Variants in ZFYVE28 observed in about 807,000 individuals in gnomAD.
ZFYVE28 encodes lateral signaling target protein 2 homolog.
Under a neutral mutation model 82.1 loss-of-function variants are expected in ZFYVE28, and 40 were observed. That is an observed-to-expected ratio of 0.49 (90% CI 0.38 to 0.63). The LOEUF (loss-of-function observed/expected upper bound fraction) is 0.63, where lower values mean the gene tolerates loss of function less well. ZFYVE28 is among the 30% of genes least tolerant of loss of function. The pLI is 0.00. For missense variants in ZFYVE28, 1,321 were observed against 1,242.1 expected (o/e 1.06, Z -0.96); for synonymous variants, 612 against 546.1 (o/e 1.12, Z -1.68).
chr4:2,341,733 G>A lies in ZFYVE28; in HGVS notation c.181-118C>T, dbSNP rs145323447. ...GTTTTTTAGGATTATTAAAGTGATA[G>A]AGGAGGCTAGGCACGGTGGCTCATG... is the stretch of plus-strand genomic sequence containing the variant. On this transcript the variant is annotated intron_variant, in intron 2 of 12. Transcript: ENST00000290974. The surrounding 1 kb of genome is among the most constrained non-coding windows in gnomAD (Gnocchi z 4.5). 1,659 of 1,435,284 alleles carry A rather than the reference G, an allele frequency of 1.2e-3. 15 individuals are homozygous for A. The African/African-American group carries it at 0.021, about 18-fold the overall frequency. 88.9% of individuals were successfully genotyped at this position (1,435,284 alleles called of 1,614,324 possible). A position where few individuals can be genotyped will look rare whatever the true frequency, so the allele number is the denominator to read the frequency against.
chr4:2,278,236 T>C (rs1409838989), intron 8 of ZFYVE28, among the ~76,000 whole-genome samples: 1 of 151,512 alleles, frequency 6.6e-6, no homozygotes, highest in Non-Finnish European at 1.5e-5. Flanking sequence ...TTTTTTTTTT[T>C]TTGAGATGGT....
At chr4:2,393,205 ACCGCAT>A (rs1730022747) in intron 1 of ZFYVE28, among the ~76,000 whole-genome samples, 1 of 152,186 alleles carries the variant, frequency 6.6e-6, no homozygotes, top group Non-Finnish European at 1.5e-5. Context: ...CTGAAATCTC[ACCGCAT>A]CCGCTGCATA....
chr4:2,331,657 G>A (rs1195195478), intron 6 of ZFYVE28, among the ~76,000 whole-genome samples: 1 of 152,220 alleles, frequency 6.6e-6, no homozygotes, highest in Non-Finnish European at 1.5e-5. Context: ...GTCTTAGGGA[G>A]GGGACAGGCT....
In ZFYVE28 at chr4:2,418,313, C is replaced by G; in HGVS notation, c.11G>C (p.Arg4Thr). 6.5e-7 allele frequency: 1 copy of G among 1,531,354 alleles called. No homozygotes were observed. The highest frequency in any genetic ancestry group is 8.8e-7 in the Non-Finnish European group (1 of 1,138,018). 94.9% of individuals were successfully genotyped at this position (1,531,354 alleles called of 1,614,324 possible). A position where few individuals can be genotyped will look rare whatever the true frequency, so the allele number is the denominator to read the frequency against. Residue 4 changes from arginine (R) to threonine (T), a missense_variant, in exon 1 of 13, where the codon AGG becomes ACG. By Grantham distance (71) the Arg-to-Thr change is moderately conservative. Transcript: ENST00000290974. The surrounding 1 kb of genome is among the most constrained non-coding windows in gnomAD (Gnocchi z 4.6). The stretch of plus-strand genomic sequence containing the variant: ...GGGTTTGTAGAGCCACTTTCGGAAC[C>G]TGTTCATCATCGCCGCGCCGGCCCT... MMN[R>T]FRKWLYKPKR...
chr4:2,387,056 T>TCCGGGG (rs59609334), intron 1 of ZFYVE28, among the ~76,000 whole-genome samples: 151 of 152,040 alleles, frequency 9.9e-4, no homozygotes, highest in Admixed American at 2.4e-3. Flanking sequence ...TGCAGGAGAC[T>TCCGGGG]CCGGGGCCGG....
intron 7 of ZFYVE28, among the ~76,000 whole-genome samples, chr4:2,310,003 A>T (rs1380054843): frequency 1.3e-5 from 2 of 151,980 alleles, no homozygotes; most frequent in Non-Finnish European, 2.9e-5. Flanking sequence ...TTTGATTTCC[A>T]TATGTTAAGC....
intron 8 of ZFYVE28, among the ~76,000 whole-genome samples, chr4:2,275,329 G>A (rs1736318078): frequency 6.6e-6 from 1 of 152,202 alleles, no homozygotes; most frequent in Non-Finnish European, 1.5e-5. Flanking sequence ...CTCTAGGGGT[G>A]CACCCACTGG....
chr4:2,378,625 C>T (rs948470608), intron 1 of ZFYVE28, among the ~76,000 whole-genome samples: 4 of 152,224 alleles, frequency 2.6e-5, no homozygotes, highest in East Asian at 1.9e-4. Context: ...GGAAGCTGCC[C>T]GACTCCCGGC....
chr4:2,282,069 C>T (rs1712039467), intron 8 of ZFYVE28, among the ~76,000 whole-genome samples: 1 of 152,242 alleles, frequency 6.6e-6, no homozygotes, highest in South Asian at 2.1e-4. Flanking sequence ...CTGTGTCTCA[C>T]CACAGAGTCT....
At chr4:2,400,160 T>C (rs1239031139) in intron 1 of ZFYVE28, among the ~76,000 whole-genome samples, 6 of 152,180 alleles carry the variant, frequency 3.9e-5, no homozygotes, top group African/African-American at 1.4e-4. Flanking sequence ...GAGCCACAGG[T>C]CAGGAGGAAC....
intron 6 of ZFYVE28, among the ~76,000 whole-genome samples, chr4:2,322,887 G>C (rs1040488772): frequency 6.6e-6 from 1 of 152,160 alleles, no homozygotes; most frequent in African/African-American, 2.4e-5. Flanking sequence ...ACGTTTTCAA[G>C]GCTCACCATG....
intron 8 of ZFYVE28, among the ~76,000 whole-genome samples, chr4:2,299,459 A>C (rs1715151346): frequency 6.7e-6 from 1 of 150,044 alleles, no homozygotes; most frequent in African/African-American, 2.5e-5. Flanking sequence ...CCAATTCTAA[A>C]GAAATAATCC....
chr4:2,270,919 G>A (rs533471250), intron 12 of ZFYVE28, 63 bp from the exon 13 acceptor site: 49 of 1,557,266 alleles, frequency 3.1e-5, no homozygotes, highest in African/African-American at 9.5e-5. Flanking sequence ...CTGGCTCCTC[G>A]CCCTCCCACA....
chr4:2,415,880 C>G (rs1732985532), intron 1 of ZFYVE28, among the ~76,000 whole-genome samples: 1 of 152,222 alleles, frequency 6.6e-6, no homozygotes, highest in Admixed American at 6.5e-5. Context: ...AGAGACAGCC[C>G]AAGTTCAGAC....
intron 1 of ZFYVE28, among the ~76,000 whole-genome samples, chr4:2,365,364 C>T (rs748107437): frequency 2.0e-4 from 29 of 146,462 alleles, no homozygotes; most frequent in Admixed American, 4.2e-4. Flanking sequence ...TCACAAAGGG[C>T]GTGTCCCCCC....
intron 6 of ZFYVE28, among the ~76,000 whole-genome samples, chr4:2,322,351 C>T (rs1158689257): frequency 3.3e-5 from 5 of 152,214 alleles, no homozygotes; most frequent in Non-Finnish European, 5.9e-5. Flanking sequence ...CCAATGCAGC[C>T]GCTGCCCATG....
chr4:2,287,889 G>A lies in ZFYVE28; in HGVS notation c.2052-13673C>T, dbSNP rs374382404. Among the ~76,000 whole-genome samples, 7 of 152,316 alleles carry A rather than the reference G, an allele frequency of 4.6e-5. No homozygotes were observed. In the East Asian group the frequency reaches 9.6e-4, roughly 21 times the overall value. ...AAGTACTGAACATAAGGAGACACTG[G>A]ATATGGATGTGTGAATGCTCTGAAA... On this transcript the variant is annotated intron_variant, in intron 8 of 12. Transcript: ENST00000290974.
intron 1 of ZFYVE28, among the ~76,000 whole-genome samples, chr4:2,355,527 G>A (rs1001769052): frequency 1.3e-5 from 2 of 150,962 alleles, no homozygotes; most frequent in East Asian, 2.0e-4. Flanking sequence ...TGATCCACCC[G>A]CCTCAGCCTT....
chr4:2,270,972 G>T, intron 12 of ZFYVE28, 116 bp from the exon 13 acceptor site: 1 of 1,444,108 alleles, frequency 6.9e-7, no homozygotes. Flanking sequence ...GGTGGGGACT[G>T]CCCAGCCCCA....
Sources: allele counts gnomAD v4.1 joint callset (sites outside exome capture counted in the v4.1 genomes callset), GRCh38; gene constraint gnomAD v4.1.1; non-coding constraint Gnocchi (gnomAD v3.1); transcripts MANE v1.5; gene names NCBI Gene and HGNC (gene_info 2026-07-23, HGNC 2026-07-21).